Variants in NTRK3 observed in about 807,000 individuals in gnomAD.
NTRK3 encodes the protein neurotrophic receptor tyrosine kinase 3.
NTRK3 carries 24 observed loss-of-function variants against 91.7 expected under a neutral mutation model. That is an observed-to-expected ratio of 0.26 (90% CI 0.19 to 0.37). The LOEUF is 0.37. NTRK3 is among the 10% of genes least tolerant of loss of function. The pLI is 1.00. For synonymous variants in NTRK3, 483 were observed against 404.0 expected, an observed-to-expected ratio of 1.20 and a Z score of -2.34; for missense variants, 880 against 1,068.9, an observed-to-expected ratio of 0.82 and a Z score of 2.46.
At chr15:88,213,609 C>A (rs1391990979) in intron 3 of NTRK3, among the ~76,000 whole-genome samples, 1 of 152,066 alleles carries the variant, frequency 6.6e-6, no homozygotes, top group African/African-American at 2.4e-5. Flanking sequence ...TAATCACAAA[C>A]ACGCAGTGTT....
At chr15:88,222,803 C>T (rs2050343934) in intron 3 of NTRK3, among the ~76,000 whole-genome samples, 1 of 152,148 alleles carries the variant, frequency 6.6e-6, no homozygotes, top group South Asian at 2.1e-4. Context: ...CTCACAATCA[C>T]CCTAGGAGGC....
At chr15:87,878,169 A>G (rs2065039042) in intron 18 of NTRK3, among the ~76,000 whole-genome samples, 2 of 152,210 alleles carry the variant, frequency 1.3e-5, no homozygotes, top group African/African-American at 4.8e-5. Context: ...CAGTTTCTGC[A>G]TTTAAAGATT....
chr15:88,129,947 A>G (rs1444388433), intron 10 of NTRK3, among the ~76,000 whole-genome samples: 2 of 152,210 alleles, frequency 1.3e-5, no homozygotes, highest in Non-Finnish European at 2.9e-5. Context: ...AATATGGTTG[A>G]TGTCCTTATA....
At chr15:87,869,970 G>A (rs557237482) in exon 19 of NTRK3, 83 of 192,016 alleles carry the variant, frequency 4.3e-4, no homozygotes, top group African/African-American at 1.8e-3. Context: ...GTGTTTACAC[G>A]TCTTGTTGGG....
chr15:87,873,824 C>G, exon 19 of NTRK3: 1 of 231,712 alleles, frequency 4.3e-6, no homozygotes, highest in South Asian at 1.8e-4. Context: ...CTTCAGACTC[C>G]GAAATGTTGA....
intron 5 of NTRK3, among the ~76,000 whole-genome samples, chr15:88,160,446 G>A (rs1021954835): frequency 2.0e-5 from 3 of 152,190 alleles, no homozygotes; most frequent in African/African-American, 7.2e-5. Flanking sequence ...TAGCGTCAAA[G>A]GGTTCACTAA....
intron 13 of NTRK3, among the ~76,000 whole-genome samples, chr15:88,048,571 G>T (rs2080475203): frequency 6.6e-6 from 1 of 152,128 alleles, no homozygotes; most frequent in African/African-American, 2.4e-5. Flanking sequence ...GAAGCCTTTG[G>T]CCCCACACCT....
chr15:88,102,448 A>C (rs1268636274), intron 13 of NTRK3, among the ~76,000 whole-genome samples: 2 of 152,238 alleles, frequency 1.3e-5, no homozygotes, highest in Non-Finnish European at 2.9e-5. Flanking sequence ...TAGACACAAT[A>C]GGATGTCTAC....
intron 14 of NTRK3, among the ~76,000 whole-genome samples, chr15:87,972,830 C>T (rs1175832779): frequency 6.6e-6 from 1 of 152,184 alleles, no homozygotes; most frequent in Non-Finnish European, 1.5e-5. Context: ...TTTCCTCTAC[C>T]TCAGAGTTCC....
intron 3 of NTRK3, among the ~76,000 whole-genome samples, chr15:88,228,458 A>G (rs931697932): frequency 3.3e-5 from 5 of 152,116 alleles, no homozygotes; most frequent in African/African-American, 1.2e-4. Flanking sequence ...CCTGTAGTGC[A>G]TAAAGGATCT....
intron 15 of NTRK3, among the ~76,000 whole-genome samples, chr15:87,937,230 T>C (rs972578254): frequency 6.6e-6 from 1 of 152,230 alleles, no homozygotes; most frequent in Non-Finnish European, 1.5e-5. Context: ...TCATCAGTGA[T>C]TGTTCCCAAA....
intron 5 of NTRK3, among the ~76,000 whole-genome samples, chr15:88,173,182 G>A (rs2045681874): frequency 6.6e-6 from 1 of 152,146 alleles, no homozygotes; most frequent in African/African-American, 2.4e-5. Context: ...AAAGAATGCG[G>A]GGACCCAGGC....
rs201985502 is a variant in NTRK3 at position 88,256,071 on chromosome 15, G to A, written c.83C>T (p.Ser28Phe). Residue 28 changes from serine to phenylalanine, a missense_variant, in exon 3 of 19, where the codon TCC (serine) becomes TTC (phenylalanine). This residue lies in a region of NTRK3 where 743 missense variants were observed against 868.6 expected (regional missense o/e 0.86). Coordinates refer to ENST00000394480, the Ensembl canonical transcript of NTRK3. ...ACAATTTGCAGGGCAAGCCAGCACGGAGCCCACATAGTCCAGCCAGACGCT... is the reference window on the plus strand; with the variant it reads ...ACAATTTGCAGGGCAAGCCAGCACGAAGCCCACATAGTCCAGCCAGACGCT... 259 of 1,613,366 alleles carry A rather than the reference G, an allele frequency of 1.6e-4. No individual in the cohort carries two copies. The highest frequency in any genetic ancestry group is 2.1e-4 in the Non-Finnish European group (245 of 1,179,810).
intron 17 of NTRK3, among the ~76,000 whole-genome samples, chr15:87,880,750 C>A (rs1016260089): frequency 6.6e-6 from 1 of 152,164 alleles, no homozygotes; most frequent in Non-Finnish European, 1.5e-5. Flanking sequence ...ACCTTAAGAG[C>A]AAGTCCAGCA....
At chr15:87,970,965 C>G (rs1040056485) in intron 14 of NTRK3, among the ~76,000 whole-genome samples, 1 of 152,170 alleles carries the variant, frequency 6.6e-6, no homozygotes, top group Non-Finnish European at 1.5e-5. Context: ...GCCAAAGACA[C>G]CATCCTGAAA....
chr15:88,088,448 G>A (rs1351071234), intron 13 of NTRK3, among the ~76,000 whole-genome samples: 1 of 152,170 alleles, frequency 6.6e-6, no homozygotes, highest in Non-Finnish European at 1.5e-5. Context: ...ACCAGAATGA[G>A]CAACAAGGAG....
intron 14 of NTRK3, among the ~76,000 whole-genome samples, chr15:88,014,960 A>G (rs1240456217): frequency 6.6e-6 from 1 of 152,268 alleles, no homozygotes; most frequent in Non-Finnish European, 1.5e-5. Flanking sequence ...TTATAAGCCT[A>G]TGAAGACAAT....
intron 5 of NTRK3, among the ~76,000 whole-genome samples, chr15:88,176,610 G>C (rs546212107): frequency 6.6e-6 from 1 of 152,192 alleles, no homozygotes; most frequent in Admixed American, 6.5e-5. Flanking sequence ...TACCCATGGA[G>C]ATCTTGGTCA....
At chr15:88,015,528 CCAAGCCTCTGCTCCCCTAATTTAAA>C (rs143630437) in intron 14 of NTRK3, among the ~76,000 whole-genome samples, 6,267 of 152,176 alleles carry the variant, frequency 0.041, 465 homozygotes, top group African/African-American at 0.14. Context: ...GAGCCTTTAC[CCAAGCCTCTGCTCCCCTAATTTAAA>C]CAAGCCACTG....
Sources: allele counts gnomAD v4.1 joint callset (sites outside exome capture counted in the v4.1 genomes callset), GRCh38; gene constraint gnomAD v4.1.1; regional missense constraint gnomAD v4.1.1; transcripts MANE v1.5; gene names NCBI Gene and HGNC (gene_info 2026-07-23, HGNC 2026-07-21).